KIF26B: variants seen among roughly 807,000 people sequenced by gnomAD.
The protein encoded by KIF26B is kinesin-like protein KIF26B.
A neutral mutation model predicts 151.2 loss-of-function variants in KIF26B; 63 were observed. That is an observed-to-expected ratio of 0.42 (90% CI 0.34 to 0.51). KIF26B has a LOEUF of 0.51. Ranked by LOEUF, KIF26B falls within the 20% of genes least tolerant of loss-of-function variation. KIF26B has a pLI of 0.07. For synonymous variants in KIF26B, 1,357 were observed against 1,262.1 expected, an observed-to-expected ratio of 1.08 and a Z score of -1.59; for missense variants, 2,813 against 2,913.6, an observed-to-expected ratio of 0.97 and a Z score of 0.79.
At chr1:245,473,946 A>G (rs1279079488) in intron 4 of KIF26B, among the ~76,000 whole-genome samples, 1 of 151,842 alleles carries the variant, frequency 6.6e-6, no homozygotes, top group Non-Finnish European at 1.5e-5. Context: ...ATACGTTCAT[A>G]TCATTGTAAA....
intron 2 of KIF26B, among the ~76,000 whole-genome samples, chr1:245,177,476 T>C (rs1232512915): frequency 6.6e-6 from 1 of 152,164 alleles, no homozygotes; most frequent in Non-Finnish European, 1.5e-5. Flanking sequence ...ACGGTGGCAG[T>C]GCACACGGCT....
intron 4 of KIF26B, among the ~76,000 whole-genome samples, chr1:245,489,453 G>A (rs566820043): frequency 5.3e-5 from 8 of 152,264 alleles, no homozygotes; most frequent in East Asian, 1.9e-4. Context: ...TCTAAGAGGC[G>A]TCAGCCACAC....
intron 5 of KIF26B, among the ~76,000 whole-genome samples, chr1:245,583,568 G>A (rs1045458022): frequency 5.3e-5 from 8 of 152,184 alleles, no homozygotes; most frequent in Non-Finnish European, 1.2e-4. Context: ...ATGAATGAGA[G>A]TTCGTTAAAT....
chr1:245,416,047 A>C (rs1415497191), intron 3 of KIF26B, among the ~76,000 whole-genome samples: 2 of 149,816 alleles, frequency 1.3e-5, no homozygotes, highest in South Asian at 4.2e-4. Flanking sequence ...TGGGCGGATC[A>C]CCTGAGGTCG....
chr1:245,580,573 G>A (rs368421374), intron 5 of KIF26B, among the ~76,000 whole-genome samples: 2 of 152,154 alleles, frequency 1.3e-5, no homozygotes, highest in East Asian at 1.9e-4. Context: ...CGGAGCCTCC[G>A]GACTCGCCTC....
intron 12 of KIF26B, among the ~76,000 whole-genome samples, chr1:245,690,364 C>A (rs924709723): frequency 6.6e-6 from 1 of 152,112 alleles, no homozygotes; most frequent in South Asian, 2.1e-4. Context: ...GTGCCCGCAG[C>A]ATATGTGGAA....
chr1:245,667,045 T>C lies in KIF26B; in HGVS notation c.2259-17188T>C, dbSNP rs144403004. Among the ~76,000 whole-genome samples the C allele has an allele frequency of 4.2e-4, 64 of 152,264 alleles. No homozygotes were observed. The highest frequency in any genetic ancestry group is 1.3e-3 in the African/African-American group (55 of 41,552). On this transcript the variant is annotated intron_variant, in intron 10 of 14. Coordinates refer to ENST00000407071, the MANE Select transcript of KIF26B (RefSeq NM_018012.4). The surrounding 1 kb of genome is among the most constrained non-coding windows in gnomAD (Gnocchi z 4.3). The stretch of plus-strand genomic sequence containing the variant: ...TGATCCACCCTTGAAGACTGTGAGC[T>C]GTGCAGAACGAAGCAGGTCATGGCT...
intron 2 of KIF26B, among the ~76,000 whole-genome samples, chr1:245,200,027 TC>T (rs757174651): frequency 6.6e-6 from 1 of 152,268 alleles, no homozygotes; most frequent in Non-Finnish European, 1.5e-5. Flanking sequence ...TGTCTACACT[TC>T]CGTGCTATCA....
chr1:245,454,435 G>T (rs749548234), intron 4 of KIF26B, among the ~76,000 whole-genome samples: 12 of 152,144 alleles, frequency 7.9e-5, no homozygotes, highest in Non-Finnish European at 1.6e-4. Flanking sequence ...CGGCTTCTCT[G>T]CACATCTTGA....
At position 245,163,434 on chromosome 1, in the gene KIF26B, G is replaced by A. The variant is rs1333402863; in HGVS notation, c.465+6751G>A. Among the ~76,000 whole-genome samples the A allele has an allele frequency of 2.6e-5, 4 of 152,148 alleles. No individual in the cohort carries two copies. The South Asian group carries it at 6.2e-4, about 24-fold the overall frequency. On this transcript the variant is annotated intron_variant, in intron 2 of 14. Coordinates refer to ENST00000407071, the MANE Select transcript of KIF26B (RefSeq NM_018012.4). The stretch of plus-strand genomic sequence containing the variant: ...TGGGATTCCAGGTGTGAGCCACTGC[G>A]CTTGGCCCACACTATTTTAATTATG...
chr1:245,622,552 G>A (rs1459549293), intron 9 of KIF26B, among the ~76,000 whole-genome samples: 1 of 152,194 alleles, frequency 6.6e-6, no homozygotes, highest in Non-Finnish European at 1.5e-5. Context: ...CCAGACACAC[G>A]CGGGTCCCAC....
In KIF26B at chr1:245,602,697, G is replaced by A; in HGVS notation, c.1471G>A (p.Gly491Ser). Residue 491 changes from glycine (G) to serine (S), a missense_variant, in exon 6 of 15, where the codon GGT becomes AGT. Coordinates refer to ENST00000407071, the MANE Select transcript of KIF26B (RefSeq NM_018012.4). This position sits in a 1 kb window ranked among gnomAD's most constrained non-coding sequence, Gnocchi z 4.5. ...CTTGTACGATCCCCTGACTTGTGGA[G>A]GTCAAAATGCCTTCCAAAAGAGAGG... ...ITLYDPLTCG[G>S]QNAFQKRGNQ... 1 of 1,614,044 alleles carries A rather than the reference G, an allele frequency of 6.2e-7. No individual in the cohort carries two copies. Among genetic ancestry groups the A allele is most frequent in the Non-Finnish European group, 8.5e-7 (1 of 1,179,890 alleles).
Position 245,688,478 on chromosome 1 carries a change from G to A in KIF26B, c.5495G>A (p.Arg1832His), listed in dbSNP as rs1313867595. ...CGGGCCGGGCCCGAGGCGGAGGCGC[G>A]CGGGGGGGCCCTGGCCGAGGACGAG... The part of the protein sequence containing the change: ...QLRAGPEAEA[R>H]GGALAEDEPA... The change falls in exon 12 of 15, where the codon CGC becomes CAC. Residue 1832 changes from arginine (R) to histidine (H), a missense_variant. Arg to His is a conservative substitution (Grantham distance 29). This residue lies in a region of KIF26B where 2,060 missense variants were observed against 2,088.6 expected (regional missense o/e 0.99). Coordinates refer to ENST00000407071, the MANE Select transcript of KIF26B (RefSeq NM_018012.4). 17 of 1,384,836 alleles carry A rather than the reference G, an allele frequency of 1.2e-5. No individual in the cohort carries two copies. The highest frequency in any genetic ancestry group is 1.2e-4 in the East Asian group (4 of 32,796). 85.8% of individuals were successfully genotyped at this position (1,384,836 alleles called of 1,614,324 possible).
intron 5 of KIF26B, among the ~76,000 whole-genome samples, chr1:245,569,684 C>G (rs184302622): frequency 2.6e-5 from 4 of 151,588 alleles, no homozygotes; most frequent in African/African-American, 9.7e-5. Flanking sequence ...TCCAGCTACT[C>G]GGGAGGCTGA....
At chr1:245,561,200 T>G (rs1160336461) in intron 5 of KIF26B, among the ~76,000 whole-genome samples, 1 of 152,190 alleles carries the variant, frequency 6.6e-6, no homozygotes, top group African/African-American at 2.4e-5. Context: ...AGCTTCATCT[T>G]GGCTTATTAA....
chr1:245,339,969 G>T (rs1558394874), intron 2 of KIF26B, among the ~76,000 whole-genome samples: 1 of 152,226 alleles, frequency 6.6e-6, no homozygotes, highest in Non-Finnish European at 1.5e-5. Context: ...AGGCCCAGGG[G>T]TTTGAACAAC....
intron 2 of KIF26B, among the ~76,000 whole-genome samples, chr1:245,225,853 T>G (rs757473271): frequency 1.3e-5 from 2 of 152,220 alleles, no homozygotes; most frequent in Non-Finnish European, 2.9e-5. Flanking sequence ...TGATCAAACG[T>G]CATGCTGATT....
At chr1:245,514,718 G>A (rs1409983965) in intron 4 of KIF26B, among the ~76,000 whole-genome samples, 1 of 152,158 alleles carries the variant, frequency 6.6e-6, no homozygotes, top group African/African-American at 2.4e-5. Context: ...AGGAGTCAGT[G>A]GAAGAGTGGC....
chr1:245,172,558 C>T (rs571526587), intron 2 of KIF26B, among the ~76,000 whole-genome samples: 2 of 152,260 alleles, frequency 1.3e-5, no homozygotes, highest in South Asian at 4.1e-4. Context: ...ACCTGTAATG[C>T]CAGCAATTTA....
Sources: allele counts gnomAD v4.1 joint callset (sites outside exome capture counted in the v4.1 genomes callset), GRCh38; gene constraint gnomAD v4.1.1; regional missense constraint gnomAD v4.1.1; non-coding constraint Gnocchi (gnomAD v3.1); transcripts MANE v1.5; gene names NCBI Gene and HGNC (gene_info 2026-07-23, HGNC 2026-07-21).